CCDC88C: variants seen among roughly 807,000 people sequenced by gnomAD.
The protein encoded by CCDC88C is coiled-coil and HOOK domain protein 88C, also known as protein Daple.
A neutral mutation model predicts 198.8 loss-of-function variants in CCDC88C; 131 were observed. The ratio of observed to expected loss-of-function variants is 0.66; its 90% CI spans 0.57 to 0.76. The LOEUF is 0.76. Ranked by LOEUF, CCDC88C falls within the 30% of genes least tolerant of loss-of-function variation. The probability of loss-of-function intolerance (pLI) is 0.00; values close to 1 mark genes in which losing one functional copy is unlikely to be tolerated. For missense variants in CCDC88C, 2,553 were observed against 2,631.6 expected, an observed-to-expected ratio of 0.97 and a Z score of 0.65; for synonymous variants, 1,166 against 1,114.7, an observed-to-expected ratio of 1.05 and a Z score of -0.92.
chr14:91,363,280 CT>C (rs1006691437), intron 3 of CCDC88C, among the ~76,000 whole-genome samples: 52 of 145,740 alleles, frequency 3.6e-4, no homozygotes, highest in East Asian at 3.9e-4. Context: ...TATTATTTTA[CT>C]TTTTTTTTTT....
chr14:91,321,312 C>CA lies in CCDC88C; in HGVS notation c.1343-9dup. ...CAAACGACTTCCTGGAGGCTGAAGA[C>CA]AAAGTCCAGTCAGAGCCCAGTGGTC... is the stretch of plus-strand genomic sequence containing the variant. On this transcript the variant is annotated splice_polypyrimidine_tract_variant and intron_variant, in intron 12 of 29. Coordinates refer to ENST00000389857, the MANE Select transcript of CCDC88C (RefSeq NM_001080414.4). 6.4e-7 allele frequency: 1 copy of CA among 1,551,434 alleles called. No homozygotes were observed. The highest frequency in any genetic ancestry group is 8.7e-7 in the Non-Finnish European group (1 of 1,147,370).
At chr14:91,279,138 G>A (rs1354122803) in intron 28 of CCDC88C, 100 bp downstream of exon 28, 4 of 932,808 alleles carry the variant, frequency 4.3e-6, no homozygotes, top group Admixed American at 2.0e-5. Context: ...GGGCTCAAGC[G>A]ATCCACCTGC....
chr14:91,324,700 T>C, intron 12 of CCDC88C, 79 bp downstream of exon 12: 1 of 1,541,104 alleles, frequency 6.5e-7, no homozygotes, highest in Non-Finnish European at 8.8e-7. Context: ...ACATGGCAGA[T>C]TCAGAGCCCA....
intron 3 of CCDC88C, among the ~76,000 whole-genome samples, chr14:91,388,727 G>T (rs1885300362): frequency 6.6e-6 from 1 of 152,218 alleles, no homozygotes; most frequent in Non-Finnish European, 1.5e-5. Context: ...AACACAGACT[G>T]AGATCCGCTC....
intron 3 of CCDC88C, among the ~76,000 whole-genome samples, chr14:91,376,032 C>T (rs1339708483): frequency 1.3e-5 from 2 of 152,188 alleles, no homozygotes; most frequent in Non-Finnish European, 1.5e-5. Flanking sequence ...GGCTTGAACC[C>T]AGTCAGCCAA....
At chr14:91,280,570 C>T (rs1292671905) in intron 27 of CCDC88C, among the ~76,000 whole-genome samples, 1 of 152,192 alleles carries the variant, frequency 6.6e-6, no homozygotes, top group Non-Finnish European at 1.5e-5. Flanking sequence ...TATTCAAGTA[C>T]TGCAATGCAA....
Position 91,272,993 on chromosome 14 carries a change from C to T in CCDC88C, c.5719G>A (p.Ala1907Thr), listed in dbSNP as rs745819806. The T allele has an allele frequency of 1.3e-5, 20 of 1,552,956 alleles. No homozygotes were observed. The highest frequency in any genetic ancestry group is 9.4e-5 in the South Asian group (8 of 85,508). ...GCACCAGCACCTGCAGTGGCAATGG[C>T]GGGGGCTGTGGCAGACTGATGCAGG... ...APLHQSATAP[A>T]IATAGAGAAA... Residue 1907 changes from alanine to threonine, a missense_variant, in exon 30 of 30, where the codon GCC (alanine) becomes ACC (threonine). By Grantham distance (58) the Ala-to-Thr change is moderately conservative. Around this residue, in one of 2 missense-constraint regions of CCDC88C, gnomAD observed 1,293 missense variants for 1,219.6 expected, o/e 1.06. Transcript: ENST00000389857.
At chr14:91,409,152 G>A (rs533708542) in intron 2 of CCDC88C, among the ~76,000 whole-genome samples, 1 of 149,476 alleles carries the variant, frequency 6.7e-6, no homozygotes, top group African/African-American at 2.5e-5. Context: ...AAAAATATGT[G>A]AAATATCAAG....
intron 3 of CCDC88C, among the ~76,000 whole-genome samples, chr14:91,360,032 GA>G (rs534758326): frequency 5.9e-5 from 9 of 152,232 alleles, no homozygotes; most frequent in Admixed American, 5.9e-4. Context: ...AGAGGTCTTG[GA>G]AAAAAAGGCA....
Position 91,284,543 on chromosome 14 carries a change from G to A in CCDC88C, c.4442-1026C>T, listed in dbSNP as rs762314154. On this transcript the variant is annotated intron_variant, in intron 25 of 29. Transcript: ENST00000389857. This position sits in a 1 kb window ranked among gnomAD's most constrained non-coding sequence, Gnocchi z 4.1. ...ATCCACAGGGGAGGCAGAGATGAGTGAACAGTTAGCATGAGCAGCGAACAG... is the reference window on the plus strand; with the variant it reads ...ATCCACAGGGGAGGCAGAGATGAGTAAACAGTTAGCATGAGCAGCGAACAG... Among the ~76,000 whole-genome samples, 1 of 152,192 alleles carries A rather than the reference G, an allele frequency of 6.6e-6. No homozygotes were observed. Among genetic ancestry groups the A allele is most frequent in the Non-Finnish European group, 1.5e-5 (1 of 68,044 alleles).
At chr14:91,300,646 C>T (rs757074565) in intron 20 of CCDC88C, among the ~76,000 whole-genome samples, 1 of 152,176 alleles carries the variant, frequency 6.6e-6, no homozygotes, top group Non-Finnish European at 1.5e-5. Flanking sequence ...CACACAGCAG[C>T]TCTCCTCAGG....
intron 25 of CCDC88C, chr14:91,285,314 C>T (rs560425949): frequency 2.1e-5 from 8 of 387,148 alleles, no homozygotes; most frequent in Middle Eastern, 3.6e-4. Context: ...AGCAACCACC[C>T]GCCAGTGCTG....
rs1567055921 is a variant in CCDC88C at position 91,293,567 on chromosome 14, G to GCTCACCTTCCCATCCTCACCTGCCACA, written c.4112+605_4112+606insTGTGGCAGGTGAGGATGGGAAGGTGAG. Among the ~76,000 whole-genome samples, 18 of 16,136 alleles carry GCTCACCTTCCCATCCTCACCTGCCACA rather than the reference G, an allele frequency of 1.1e-3. 1 individual carries two copies. The highest frequency in any genetic ancestry group is 6.3e-3 in the South Asian group (3 of 474). 10.6% of individuals were successfully genotyped at this position (16,136 alleles called of 152,430 possible). ...ACCTTCCTGTCCCCTCGCCTGCCAC[G>GCTCACCTTCCCATCCTCACCTGCCACA]GCCCACCTTCCTGTCCCCTCGCCTG... On this transcript the variant is annotated intron_variant, in intron 23 of 29. Coordinates refer to ENST00000389857, the MANE Select transcript of CCDC88C (RefSeq NM_001080414.4).
At chr14:91,297,216 G>A (rs1464113721) in intron 22 of CCDC88C, 89 bp downstream of exon 22, 93 of 1,314,922 alleles carry the variant, frequency 7.1e-5, no homozygotes, top group Non-Finnish European at 9.3e-5. Flanking sequence ...AAATGCCCAT[G>A]AGGACCCCTC....
At chr14:91,283,007 G>A (rs1164952185) in intron 26 of CCDC88C, among the ~76,000 whole-genome samples, 2 of 152,254 alleles carry the variant, frequency 1.3e-5, no homozygotes, top group Non-Finnish European at 2.9e-5. Context: ...CAGTTGCCTG[G>A]TTTTAGCCCA....
Position 91,303,990 on chromosome 14 carries a change from G to C in CCDC88C, c.3358-12C>G. ...GTGGAGTTCTCCACCTGCCGAGAGG[G>C]AGAAGCGCGGCGTGGCGCAGGCCCC... is the stretch of plus-strand genomic sequence containing the variant. On this transcript the variant is annotated splice_polypyrimidine_tract_variant and intron_variant, in intron 19 of 29. Coordinates refer to ENST00000389857, the MANE Select transcript of CCDC88C (RefSeq NM_001080414.4). 1 of 1,593,714 alleles carries C rather than the reference G, an allele frequency of 6.3e-7. No homozygotes were observed. The highest frequency in any genetic ancestry group is 1.7e-5 in the Admixed American group (1 of 59,854).
Position 91,318,005 on chromosome 14 carries a change from G to A in CCDC88C, c.1528-2218C>T, listed in dbSNP as rs543501469. ...ACTGCAGGCTTTCTGGGGCAGCGTC[G>A]TGAGGACCTGCAGAGCTGGAGGTTC... On this transcript the variant is annotated intron_variant, in intron 13 of 29. Transcript: ENST00000389857. Among the ~76,000 whole-genome samples, 22 of 152,362 alleles carry A rather than the reference G, an allele frequency of 1.4e-4. 1 individual carries two copies. The highest frequency in any genetic ancestry group is 8.3e-4 in the South Asian group (4 of 4,834).
intron 3 of CCDC88C, among the ~76,000 whole-genome samples, chr14:91,383,953 C>T (rs1884968118): frequency 6.6e-6 from 1 of 152,204 alleles, no homozygotes. Context: ...ACTATAAACA[C>T]CCATTCTGCA....
chr14:91,318,854 A>G (rs1415897050), intron 13 of CCDC88C, among the ~76,000 whole-genome samples: 4 of 147,364 alleles, frequency 2.7e-5, no homozygotes, highest in African/African-American at 5.0e-5. Context: ...GGAGATGGAG[A>G]TAGCAAGGAA....
Sources: gnomAD v4.1 joint callset for allele counts (sites outside exome capture counted in the v4.1 genomes callset) on GRCh38, gnomAD v4.1.1 for gene constraint, gnomAD v4.1.1 regional missense constraint, Gnocchi (gnomAD v3.1) non-coding constraint, MANE v1.5 for transcripts, NCBI Gene and HGNC (gene_info 2026-07-23, HGNC 2026-07-21) for gene names.